Variants in SPOCK1 observed in about 807,000 individuals in gnomAD.
The protein encoded by SPOCK1 is testican-1.
In SPOCK1, 23 loss-of-function variants were observed where a neutral mutation model predicts 55.3. The ratio of observed to expected loss-of-function variants is 0.42; its 90% CI spans 0.30 to 0.59. The LOEUF is 0.59. Among genes scored for constraint, SPOCK1 ranks in the 20% least tolerant of loss-of-function variants. The pLI is 0.22. For missense variants in SPOCK1, 499 were observed against 552.5 expected (o/e 0.90, Z 0.97); for synonymous variants, 226 against 221.0 (o/e 1.02, Z -0.20).
intron 2 of SPOCK1, among the ~76,000 whole-genome samples, chr5:137,291,596 G>A (rs1407146599): frequency 2.0e-5 from 3 of 152,178 alleles, no homozygotes; most frequent in Non-Finnish European, 4.4e-5. Context: ...ATATGTCCAG[G>A]CTAGAACCAA....
chr5:137,469,498 A>T (rs2149839278), intron 2 of SPOCK1, among the ~76,000 whole-genome samples: 1 of 152,264 alleles, frequency 6.6e-6, no homozygotes, highest in East Asian at 1.9e-4. Flanking sequence ...GAGTTATGCA[A>T]AAAAGTAGGG....
At chr5:136,986,977 G>T (rs1750853802) in intron 8 of SPOCK1, among the ~76,000 whole-genome samples, 1 of 151,946 alleles carries the variant, frequency 6.6e-6, no homozygotes, top group Non-Finnish European at 1.5e-5. Context: ...AACAGTAATG[G>T]CAGCAAAGGA....
chr5:137,345,857 C>T (rs1195013738), intron 2 of SPOCK1, among the ~76,000 whole-genome samples: 11 of 152,186 alleles, frequency 7.2e-5, no homozygotes, highest in Admixed American at 7.2e-4. Flanking sequence ...AGAAGGCTAC[C>T]AGATAGACAC....
At chr5:137,276,277 T>G (rs1052987873) in intron 2 of SPOCK1, among the ~76,000 whole-genome samples, 5 of 152,216 alleles carry the variant, frequency 3.3e-5, no homozygotes, top group African/African-American at 1.2e-4. Context: ...GAAACACTCC[T>G]CCTTACCCTT....
chr5:136,979,443 C>T lies in SPOCK1; in HGVS notation c.1018G>A (p.Glu340Lys), dbSNP rs1750681839. 3 of 1,614,034 alleles carry T rather than the reference C, an allele frequency of 1.9e-6. No homozygotes were observed. Among genetic ancestry groups the T allele is most frequent in the Non-Finnish European group, 1.7e-6 (2 of 1,179,964 alleles). Reference protein sequence around the residue: ...LGAFIPRCNEEGYYKATQCHG... With the variant: ...LGAFIPRCNEKGYYKATQCHG... ...CACTGTGTGGCTTTGTAATAGCCCT[C>T]CTCATTACACCGAGGTATGAAGGCC... The change falls in exon 10 of 11, where the codon GAG becomes AAG. Residue 340 changes from glutamate (E) to lysine (K), a missense_variant. Glu to Lys is a moderately conservative substitution (Grantham distance 56, BLOSUM62 1). Transcript: ENST00000394945.
chr5:137,451,843 C>T (rs1753260711), intron 2 of SPOCK1, among the ~76,000 whole-genome samples: 1 of 152,182 alleles, frequency 6.6e-6, no homozygotes, highest in Admixed American at 6.6e-5. Flanking sequence ...AACGTTTTAG[C>T]TCAGTAAGTA....
chr5:137,160,587 A>ATATATATTT (rs1561631712), intron 3 of SPOCK1, among the ~76,000 whole-genome samples: 36 of 62,236 alleles, frequency 5.8e-4, no homozygotes, highest in East Asian at 2.3e-3. Context: ...AATATATATA[A>ATATATATTT]TATATAATAT....
At chr5:137,348,784 A>G (rs1561511550) in intron 2 of SPOCK1, among the ~76,000 whole-genome samples, 1 of 152,230 alleles carries the variant, frequency 6.6e-6, no homozygotes, top group Non-Finnish European at 1.5e-5. Context: ...CTGTCTAGAG[A>G]AAAATAGCAC....
chr5:137,278,761 T>A (rs192981801), intron 2 of SPOCK1, among the ~76,000 whole-genome samples: 1 of 152,312 alleles, frequency 6.6e-6, no homozygotes, highest in Admixed American at 6.5e-5. Flanking sequence ...CCACTCTTCA[T>A]AACTTGCTCA....
chr5:137,127,635 T>C (rs1303820730), intron 4 of SPOCK1, among the ~76,000 whole-genome samples: 1 of 152,270 alleles, frequency 6.6e-6, no homozygotes. Context: ...TACTACTATT[T>C]GCCGTTTTGA....
chr5:137,242,572 C>T (rs1756303561), intron 3 of SPOCK1, among the ~76,000 whole-genome samples: 3 of 152,020 alleles, frequency 2.0e-5, no homozygotes, highest in Non-Finnish European at 4.4e-5. Flanking sequence ...CTTGTCTCTA[C>T]CAAAAAAATA....
In SPOCK1 at chr5:137,075,031, G is replaced by T. The variant is rs140052469; in HGVS notation, c.475-7202C>A. 6.5e-3 allele frequency among the ~76,000 whole-genome samples: 985 copies of T among 151,996 alleles called. 10 individuals are homozygous for T. Among genetic ancestry groups the T allele is most frequent in the African/African-American group, 0.022 (915 of 41,478 alleles). ...TTTTTGTATTTTTAGTACAGACCGGGTTTCACCATGTTGGCCAGGCTGTTT... is the reference window on the plus strand; with the variant it reads ...TTTTTGTATTTTTAGTACAGACCGGTTTTCACCATGTTGGCCAGGCTGTTT... On this transcript the variant is annotated intron_variant, in intron 5 of 10. Coordinates refer to ENST00000394945, the MANE Select transcript of SPOCK1 (RefSeq NM_004598.4).
At chr5:137,087,997 G>T (rs1285447972) in intron 5 of SPOCK1, among the ~76,000 whole-genome samples, 1 of 152,224 alleles carries the variant, frequency 6.6e-6, no homozygotes, top group East Asian at 1.9e-4. Flanking sequence ...AAAGCTCTTA[G>T]GTGGAAGTGG....
intron 3 of SPOCK1, among the ~76,000 whole-genome samples, chr5:137,152,858 T>C (rs990805731): frequency 6.6e-6 from 1 of 152,196 alleles, no homozygotes; most frequent in Non-Finnish European, 1.5e-5. Context: ...GAGCCTTGAC[T>C]GCACTGCTCA....
At chr5:137,355,330 C>A (rs1405156083) in intron 2 of SPOCK1, among the ~76,000 whole-genome samples, 1 of 152,114 alleles carries the variant, frequency 6.6e-6, no homozygotes, top group Admixed American at 6.5e-5. Flanking sequence ...GTAGCTGGGA[C>A]TACAGGTGTG....
At chr5:137,095,861 T>G (rs768274516) in intron 5 of SPOCK1, among the ~76,000 whole-genome samples, 9 of 152,104 alleles carry the variant, frequency 5.9e-5, no homozygotes, top group Non-Finnish European at 1.0e-4. Context: ...AAAATGTGGA[T>G]CTACAAAACA....
intron 3 of SPOCK1, among the ~76,000 whole-genome samples, chr5:137,173,441 A>G (rs1228317893): frequency 1.3e-5 from 2 of 152,306 alleles, no homozygotes; most frequent in African/African-American, 4.8e-5. Context: ...CTGATCAAGC[A>G]ATAAAGAATT....
intron 2 of SPOCK1, among the ~76,000 whole-genome samples, chr5:137,301,077 T>C (rs1445713467): frequency 1.3e-5 from 2 of 152,234 alleles, no homozygotes; most frequent in African/African-American, 4.8e-5. Context: ...GGGAATCTTC[T>C]AGTCTCTTAA....
chr5:137,281,996 T>C (rs1223803507), intron 2 of SPOCK1, among the ~76,000 whole-genome samples: 1 of 152,246 alleles, frequency 6.6e-6, no homozygotes, highest in African/African-American at 2.4e-5. Flanking sequence ...ATTGCCTAAG[T>C]GACTCTGGAC....
Sources: allele counts gnomAD v4.1 joint callset (sites outside exome capture counted in the v4.1 genomes callset), GRCh38; gene constraint gnomAD v4.1.1; transcripts MANE v1.5; gene names NCBI Gene and HGNC (gene_info 2026-07-23, HGNC 2026-07-21).